Variants in FBXO8 observed in about 807,000 individuals in gnomAD.
FBXO8 encodes F-box protein 8, also known as F-box only protein 8.
In FBXO8, 15 loss-of-function variants were observed where a neutral mutation model predicts 33.4. The observed-to-expected ratio is 0.45, with a 90% confidence interval of 0.30 to 0.69. The LOEUF is 0.69. Among genes scored for constraint, FBXO8 ranks in the 30% least tolerant of loss-of-function variants. The probability of loss-of-function intolerance (pLI) is 0.08; values close to 1 mark genes in which losing one functional copy is unlikely to be tolerated. For missense variants in FBXO8, 274 were observed against 380.3 expected (o/e 0.72, Z 2.32); for synonymous variants, 132 against 131.5 (o/e 1.00, Z -0.02).
At chr4:174,242,430 A>T (rs1736061103) in intron 3 of FBXO8, among the ~76,000 whole-genome samples, 1 of 151,578 alleles carries the variant, frequency 6.6e-6, no homozygotes, top group Non-Finnish European at 1.5e-5. Flanking sequence ...ATAAGTTGTA[A>T]TTCAAAGATC....
chr4:174,253,219 A>T lies in FBXO8; in HGVS notation c.456+6480T>A, dbSNP rs889479878. Among the ~76,000 whole-genome samples the T allele has an allele frequency of 2.9e-4, 44 of 151,528 alleles. No individual in the cohort carries two copies. The highest frequency in any genetic ancestry group is 1.6e-3 in the Admixed American group (24 of 15,172). ...GCCATGTAGGCCCAGTGTGATTTTT[A>T]AAAAATTACTTTTATCATAGGATAT... On this transcript the variant is annotated intron_variant, in intron 3 of 5. Coordinates refer to ENST00000393674, the MANE Select transcript of FBXO8 (RefSeq NM_012180.3). The surrounding 1 kb of genome is among the most constrained non-coding windows in gnomAD (Gnocchi z 4.5).
chr4:174,268,738 G>A (rs1016935311), intron 1 of FBXO8, among the ~76,000 whole-genome samples: 1 of 152,120 alleles, frequency 6.6e-6, no homozygotes, highest in Non-Finnish European at 1.5e-5. Context: ...GCCCGGCCGG[G>A]GGCCGTTTTA....
rs1197079168 is a variant in FBXO8, at chr4:174,262,662, C to G, written c.329+102G>C. The stretch of plus-strand genomic sequence containing the variant: ...TAAAGAGCATCTCAAAGTACAAGCC[C>G]AAGTTTAAAGAAAATATTTTGTAAT... On this transcript the variant is annotated intron_variant, in intron 2 of 5. Coordinates refer to ENST00000393674, the MANE Select transcript of FBXO8 (RefSeq NM_012180.3). The surrounding 1 kb of genome is among the most constrained non-coding windows in gnomAD (Gnocchi z 4.6). 9.8e-7 allele frequency: 1 copy of G among 1,024,320 alleles called. No homozygotes were observed. Among genetic ancestry groups the G allele is most frequent in the African/African-American group, 1.6e-5 (1 of 61,396 alleles). The allele number at this position is 1,024,320 out of a possible 1,614,324, so 63.5% of individuals were successfully genotyped here.
rs1385086367 is a variant in FBXO8 at position 174,236,916 on chromosome 4, C to G, written c.*496G>C. 6.6e-6 allele frequency: 1 copy of G among 152,054 alleles called. No individual in the cohort carries two copies. Among genetic ancestry groups the G allele is most frequent in the Non-Finnish European group, 1.5e-5 (1 of 67,990 alleles). 9.4% of individuals were successfully genotyped at this position (152,054 alleles called of 1,614,324 possible). A position where few individuals can be genotyped will look rare whatever the true frequency, so the allele number is the denominator to read the frequency against. ...GGTTTCTGTCTGAAGTCAGATCTAA[C>G]TTTTACGAAGACAATAGTTTCAGAT... On this transcript the variant is annotated 3_prime_UTR_variant, in exon 6 of 6. Coordinates refer to ENST00000393674, the MANE Select transcript of FBXO8 (RefSeq NM_012180.3).
rs200956346 is a variant in FBXO8, at chr4:174,242,827, G to A, written c.457-1609C>T. Among the ~76,000 whole-genome samples the A allele has an allele frequency of 2.6e-5, 4 of 151,332 alleles. No individual in the cohort carries two copies. In the East Asian group the frequency reaches 5.8e-4, roughly 22 times the overall value. On this transcript the variant is annotated intron_variant, in intron 3 of 5. Coordinates refer to ENST00000393674, the MANE Select transcript of FBXO8 (RefSeq NM_012180.3). ...ACTCAATCTGCTTAGCAAAAGTCAG[G>A]TTTGTTTCCAAAATTCCTCAGTGTA... is the stretch of plus-strand genomic sequence containing the variant.
chr4:174,259,664 G>T lies in FBXO8; in HGVS notation c.456+35C>A, dbSNP rs774321072. 6.3e-6 allele frequency: 10 copies of T among 1,598,442 alleles called. No individual in the cohort carries two copies. Among genetic ancestry groups the T allele is most frequent in the Non-Finnish European group, 8.5e-6 (10 of 1,174,904 alleles). On this transcript the variant is annotated intron_variant, in intron 3 of 5. Transcript: ENST00000393674. The surrounding 1 kb of genome is among the most constrained non-coding windows in gnomAD (Gnocchi z 4.3). ...AAGCTGCAGCAAGATAGTAATAAAGGTCACTGGATACAAATATTCAAGTTC... is the reference window on the plus strand; with the variant it reads ...AAGCTGCAGCAAGATAGTAATAAAGTTCACTGGATACAAATATTCAAGTTC...
At chr4:174,239,962 G>A (rs994824291) in intron 4 of FBXO8, among the ~76,000 whole-genome samples, 1 of 151,448 alleles carries the variant, frequency 6.6e-6, no homozygotes, top group Non-Finnish European at 1.5e-5. Flanking sequence ...ACAGGAACAG[G>A]CGAACTACAG....
In FBXO8 at chr4:174,278,387, GTTAATT is replaced by G. The variant is rs1429706784; in HGVS notation, c.-9+5017_-9+5022del. ...TTTGTTCCCTGAAGGTTTTTTTCCT[GTTAATT>G]TTATTCTATAAAAAGTGTTACCAAA... On this transcript the variant is annotated intron_variant, in intron 1 of 5. Coordinates refer to ENST00000393674, the MANE Select transcript of FBXO8 (RefSeq NM_012180.3). The surrounding 1 kb of genome is among the most constrained non-coding windows in gnomAD (Gnocchi z 4.1). 6.6e-6 allele frequency among the ~76,000 whole-genome samples: 1 copy of G among 151,744 alleles called. No homozygotes were observed. Among genetic ancestry groups the G allele is most frequent in the Non-Finnish European group, 1.5e-5 (1 of 67,878 alleles).
chr4:174,271,258 G>C (rs904572561), intron 1 of FBXO8, among the ~76,000 whole-genome samples: 1 of 152,200 alleles, frequency 6.6e-6, no homozygotes, highest in Non-Finnish European at 1.5e-5. Flanking sequence ...AGGATAGTCT[G>C]CAATCGTATG....
intron 3 of FBXO8, among the ~76,000 whole-genome samples, chr4:174,258,725 A>G (rs559612126): frequency 7.2e-5 from 11 of 152,020 alleles, no homozygotes; most frequent in Non-Finnish European, 1.2e-4. Context: ...GATTAGAAAA[A>G]GATATTATTG....
chr4:174,243,255 G>A (rs982389830), intron 3 of FBXO8, among the ~76,000 whole-genome samples: 16 of 151,310 alleles, frequency 1.1e-4, no homozygotes, highest in African/African-American at 3.6e-4. Context: ...GCAGTCATGA[G>A]CACAAAGAAT....
chr4:174,269,005 TAAA>T (rs1161373377), intron 1 of FBXO8: 117 of 152,356 alleles, frequency 7.7e-4, no homozygotes, highest in African/African-American at 2.8e-3. Flanking sequence ...TACAAAATTA[TAAA>T]TAATGAAGAT....
chr4:174,258,743 T>A (rs1447047631), intron 3 of FBXO8, among the ~76,000 whole-genome samples: 1 of 152,066 alleles, frequency 6.6e-6, no homozygotes, highest in Non-Finnish European at 1.5e-5. Context: ...TTGGTATTTT[T>A]ATATGCATAC....
chr4:174,238,671 T>C (rs1175850332), intron 5 of FBXO8, among the ~76,000 whole-genome samples: 1 of 149,754 alleles, frequency 6.7e-6, no homozygotes, highest in East Asian at 1.9e-4. Context: ...TAGACATTTG[T>C]ATACATATAA....
rs1384073473 is a variant in FBXO8, at chr4:174,262,871, C to T, written c.222G>A (p.Leu74=). ...AGATGGTAAAGCTTAGCTCAGGAGGCAACATTTCCAAATTAATGAATCCTT... is the reference window on the plus strand; with the variant it reads ...AGATGGTAAAGCTTAGCTCAGGAGGTAACATTTCCAAATTAATGAATCCTT... The part of the protein sequence containing the change: ...EQEGFINLEM[L]PPELSFTILS... The change falls in exon 2 of 6, where the codon TTG becomes TTA. Residue 74 remains leucine (L), a synonymous_variant. Transcript: ENST00000393674. This position sits in a 1 kb window ranked among gnomAD's most constrained non-coding sequence, Gnocchi z 4.6. The T allele has an allele frequency of 2.0e-5, 32 of 1,613,916 alleles. No individual in the cohort carries two copies. Among genetic ancestry groups the T allele is most frequent in the Non-Finnish European group, 2.7e-5 (32 of 1,179,930 alleles).
In FBXO8 at chr4:174,251,358, C is replaced by A. The variant is rs980457960; in HGVS notation, c.456+8341G>T. ...CCAGATAAAGATTAGAAGAGGGCCT[C>A]GGAAATTTGTCTTTCTTTCAAGTTT... On this transcript the variant is annotated intron_variant, in intron 3 of 5. Transcript: ENST00000393674. The surrounding 1 kb of genome is among the most constrained non-coding windows in gnomAD (Gnocchi z 4.2). 6.6e-6 allele frequency among the ~76,000 whole-genome samples: 1 copy of A among 152,066 alleles called. No individual in the cohort carries two copies. The highest frequency in any genetic ancestry group is 1.5e-5 in the Non-Finnish European group (1 of 68,016).
At position 174,267,037 on chromosome 4, in the gene FBXO8, C is replaced by T. The variant is rs1457888166; in HGVS notation, c.-8-3937G>A. Among the ~76,000 whole-genome samples the T allele has an allele frequency of 2.0e-5, 3 of 152,164 alleles. No homozygotes were observed. The highest frequency in any genetic ancestry group is 4.1e-4 in the South Asian group (2 of 4,826). ...TTGTAGGGCCTCTACACACAATTCA[C>T]CTCCTTTAGTTATTTCATATTGTGA... On this transcript the variant is annotated intron_variant, in intron 1 of 5. Transcript: ENST00000393674. The surrounding 1 kb of genome is among the most constrained non-coding windows in gnomAD (Gnocchi z 4.7).
intron 2 of FBXO8, among the ~76,000 whole-genome samples, chr4:174,260,888 C>G (rs1736543462): frequency 6.6e-6 from 1 of 151,916 alleles, no homozygotes; most frequent in Non-Finnish European, 1.5e-5. Context: ...ACAAATGAAA[C>G]TGTTTACTTT....
rs188669491 is a variant in FBXO8, at chr4:174,283,185, A to G, written c.-9+225T>C. Among the ~76,000 whole-genome samples, 16 of 152,306 alleles carry G rather than the reference A, an allele frequency of 1.1e-4. No homozygotes were observed. The East Asian group carries it at 2.9e-3, about 28-fold the overall frequency. ...CGAACTACACCCCAATGGCCTAGAA[A>G]CAGAAGGAACACACCCAGTTCCGCC... On this transcript the variant is annotated intron_variant, in intron 1 of 5. Coordinates refer to ENST00000393674, the MANE Select transcript of FBXO8 (RefSeq NM_012180.3). This position sits in a 1 kb window ranked among gnomAD's most constrained non-coding sequence, Gnocchi z 6.7.
Sources: gnomAD v4.1 joint callset for allele counts (sites outside exome capture counted in the v4.1 genomes callset) on GRCh38, gnomAD v4.1.1 for gene constraint, Gnocchi (gnomAD v3.1) non-coding constraint, MANE v1.5 for transcripts, NCBI Gene and HGNC (gene_info 2026-07-23, HGNC 2026-07-21) for gene names.